The following AUTS2 variants were observed in gnomAD, a reference collection of about 807,000 sequenced individuals.
AUTS2 encodes the protein activator of transcription and developmental regulator AUTS2.
In AUTS2, 17 loss-of-function variants were observed where a neutral mutation model predicts 112.4. The observed-to-expected ratio is 0.15, with a 90% CI of 0.10 to 0.23. The LOEUF is 0.23. Among genes scored for constraint, AUTS2 ranks in the 10% least tolerant of loss-of-function variants. The pLI, the probability that AUTS2 is intolerant of heterozygous loss-of-function variation, is 1.00. For missense variants in AUTS2, 1,510 were observed against 1,701.6 expected, an observed-to-expected ratio of 0.89 and a Z score of 1.98; for synonymous variants, 751 against 702.7, an observed-to-expected ratio of 1.07 and a Z score of -1.09.
At chr7:69,717,376 T>G (rs553922321) in intron 1 of AUTS2, among the ~76,000 whole-genome samples, 39 of 152,304 alleles carry the variant, frequency 2.6e-4, no homozygotes, top group African/African-American at 8.9e-4. Flanking sequence ...ACTAGCTCTC[T>G]GGGTGTGGGC....
intron 2 of AUTS2, among the ~76,000 whole-genome samples, chr7:70,005,996 C>T (rs1413574553): frequency 6.6e-6 from 1 of 152,100 alleles, no homozygotes; most frequent in East Asian, 1.9e-4. Flanking sequence ...CTTCATGAAC[C>T]TAACATTTAA....
rs1554396549 is a variant in AUTS2, at chr7:69,876,378, A to ATG, written c.310-22907_310-22906insGT. Among the ~76,000 whole-genome samples, 99 of 113,028 alleles carry ATG rather than the reference A, an allele frequency of 8.8e-4. 1 individual carries two copies. The highest frequency in any genetic ancestry group is 1.3e-3 in the Non-Finnish European group (71 of 56,320). The allele number at this position is 113,028 out of a possible 152,430, so 74.2% of individuals were successfully genotyped here. On this transcript the variant is annotated intron_variant, in intron 1 of 18. Coordinates refer to ENST00000342771, the MANE Select transcript of AUTS2 (RefSeq NM_015570.4). Reference sequence around the variant, plus strand: ...TATATATATATATATATATATATATATATATGTATATATAATATGTATTAT... The same window carrying ATG: ...TATATATATATATATATATATATATATGTATATGTATATATAATATGTATTAT...
intron 2 of AUTS2, among the ~76,000 whole-genome samples, chr7:69,943,078 T>C (rs956520535): frequency 2.0e-5 from 3 of 152,336 alleles, no homozygotes; most frequent in Admixed American, 1.3e-4. Context: ...TACATTGATA[T>C]GTGTTTGCGT....
At position 69,996,946 on chromosome 7, in the gene AUTS2, T is replaced by TAA. The variant is rs1161825217; in HGVS notation, c.522+97465_522+97466dup. Among the ~76,000 whole-genome samples the TAA allele has an allele frequency of 2.1e-4, 21 of 99,038 alleles. 2 individuals carry two copies. Among genetic ancestry groups the TAA allele is most frequent in the South Asian group, 3.7e-4 (1 of 2,716 alleles). The allele number at this position is 99,038 out of a possible 152,430, so 65.0% of individuals were successfully genotyped here. A position where few individuals can be genotyped will look rare whatever the true frequency, so the allele number is the denominator to read the frequency against. ...CTTTTTCGAAATAACCTGGAACACTTAAAAAAAAAAAAAAAAAAGCAAACT... is the reference window on the plus strand; with the variant it reads ...CTTTTTCGAAATAACCTGGAACACTTAAAAAAAAAAAAAAAAAAAAGCAAACT... On this transcript the variant is annotated intron_variant, in intron 2 of 18. Transcript: ENST00000342771.
At chr7:70,635,506 C>A (rs1193688956) in intron 5 of AUTS2, among the ~76,000 whole-genome samples, 1 of 152,200 alleles carries the variant, frequency 6.6e-6, no homozygotes, top group East Asian at 1.9e-4. Context: ...GACCCGAAGG[C>A]CTGGGTTCCT....
At chr7:69,851,364 C>T (rs187295438) in intron 1 of AUTS2, among the ~76,000 whole-genome samples, 7 of 152,208 alleles carry the variant, frequency 4.6e-5, no homozygotes, top group South Asian at 2.1e-4. Context: ...CAATCTTGAA[C>T]GTATTTACAA....
At chr7:70,474,271 C>A (rs2115986404) in intron 5 of AUTS2, among the ~76,000 whole-genome samples, 1 of 152,342 alleles carries the variant, frequency 6.6e-6, no homozygotes, top group East Asian at 1.9e-4. Context: ...AGTTTACTCG[C>A]TTTCATTGTG....
chr7:70,457,662 G>A (rs554567126), intron 5 of AUTS2, among the ~76,000 whole-genome samples: 2 of 152,300 alleles, frequency 1.3e-5, no homozygotes, highest in Non-Finnish European at 2.9e-5. Flanking sequence ...GGGGGTGGTG[G>A]AGGGAGTGGA....
At chr7:70,544,039 G>C (rs1001106995) in intron 5 of AUTS2, among the ~76,000 whole-genome samples, 8 of 152,154 alleles carry the variant, frequency 5.3e-5, no homozygotes, top group African/African-American at 1.9e-4. Flanking sequence ...CCAGTAAGCA[G>C]GCATCTTCTG....
At chr7:69,605,269 T>C (rs1792652199) in intron 1 of AUTS2, among the ~76,000 whole-genome samples, 1 of 152,182 alleles carries the variant, frequency 6.6e-6, no homozygotes, top group Non-Finnish European at 1.5e-5. Flanking sequence ...TTGTAGTCGG[T>C]GCGTGGGAGC....
At chr7:69,722,462 C>T (rs1421774113) in intron 1 of AUTS2, among the ~76,000 whole-genome samples, 2 of 151,224 alleles carry the variant, frequency 1.3e-5, no homozygotes, top group South Asian at 4.2e-4. Flanking sequence ...CTGCAACCTC[C>T]GCCTTCTGGG....
At chr7:70,116,369 A>T (rs911913752) in intron 2 of AUTS2, among the ~76,000 whole-genome samples, 1 of 152,190 alleles carries the variant, frequency 6.6e-6, no homozygotes, top group African/African-American at 2.4e-5. Flanking sequence ...TGGTATAACC[A>T]AAAGTGAGGT....
At chr7:70,427,203 T>A (rs1351130028) in intron 4 of AUTS2, among the ~76,000 whole-genome samples, 1 of 152,240 alleles carries the variant, frequency 6.6e-6, no homozygotes, top group East Asian at 1.9e-4. Context: ...GGATTAATGC[T>A]ATTGATGACT....
At chr7:69,866,421 C>T (rs757301543) in intron 1 of AUTS2, among the ~76,000 whole-genome samples, 3 of 152,086 alleles carry the variant, frequency 2.0e-5, no homozygotes, top group African/African-American at 7.2e-5. Context: ...TCCATGATTG[C>T]CCCCCTGGAG....
chr7:70,342,298 C>G (rs1315663945), intron 4 of AUTS2, among the ~76,000 whole-genome samples: 1 of 151,860 alleles, frequency 6.6e-6, no homozygotes, highest in East Asian at 1.9e-4. Flanking sequence ...ACTATAATGA[C>G]AGCATTTCTG....
At chr7:70,288,191 T>TC (rs1788551669) in intron 4 of AUTS2, among the ~76,000 whole-genome samples, 1 of 152,084 alleles carries the variant, frequency 6.6e-6, no homozygotes, top group South Asian at 2.1e-4. Flanking sequence ...GGCGAGTGGA[T>TC]CACGAGGTCA....
intron 4 of AUTS2, among the ~76,000 whole-genome samples, chr7:70,335,416 G>A (rs753510479): frequency 2.6e-5 from 4 of 152,122 alleles, no homozygotes; most frequent in Admixed American, 6.5e-5. Context: ...TCTGCTCCCC[G>A]AAGTAGTGGG....
At chr7:69,924,970 A>G (rs1795951179) in intron 2 of AUTS2, among the ~76,000 whole-genome samples, 1 of 152,312 alleles carries the variant, frequency 6.6e-6, no homozygotes, top group African/African-American at 2.4e-5. Context: ...ATATTGAACT[A>G]TTTATGTTAT....
chr7:70,329,195 G>C (rs1248917503), intron 4 of AUTS2, among the ~76,000 whole-genome samples: 3 of 152,210 alleles, frequency 2.0e-5, no homozygotes, highest in Middle Eastern at 3.4e-3. Context: ...GGATGTTTGG[G>C]CTGTTTATAC....
Sources: gnomAD v4.1 joint callset for allele counts (sites outside exome capture counted in the v4.1 genomes callset) on GRCh38, gnomAD v4.1.1 for gene constraint, MANE v1.5 for transcripts, NCBI Gene and HGNC (gene_info 2026-07-23, HGNC 2026-07-21) for gene names.